The following GABRG3 variants were observed in gnomAD, a reference collection of about 807,000 sequenced individuals.
GABRG3 encodes gamma-aminobutyric acid receptor subunit gamma-3.
Under a neutral mutation model 48.8 loss-of-function variants are expected in GABRG3, and 25 were observed. The observed-to-expected ratio is 0.51, with a 90% CI of 0.37 to 0.72. The LOEUF (loss-of-function observed/expected upper bound fraction) is 0.72. Among genes scored for constraint, GABRG3 ranks in the 30% least tolerant of loss-of-function variants. The pLI is 0.00. For synonymous variants in GABRG3, 227 were observed against 217.6 expected (o/e 1.04, Z -0.38); for missense variants, 394 against 577.9 (o/e 0.68, Z 3.26).
At chr15:27,282,822 T>A (rs535402270) in intron 3 of GABRG3, among the ~76,000 whole-genome samples, 1 of 152,240 alleles carries the variant, frequency 6.6e-6, no homozygotes, top group Admixed American at 6.5e-5. Context: ...TCCTGAGTAT[T>A]ATGCGATGAA....
intron 3 of GABRG3, among the ~76,000 whole-genome samples, chr15:27,212,739 CT>C (rs1409368720): frequency 6.6e-6 from 1 of 152,216 alleles, no homozygotes; most frequent in Non-Finnish European, 1.5e-5. Flanking sequence ...TTCCCTCCCC[CT>C]GACCTTGGCA....
intron 3 of GABRG3, among the ~76,000 whole-genome samples, chr15:27,068,885 C>T (rs66482107): frequency 0.21 from 31,831 of 152,166 alleles, 3,480 homozygotes; most frequent in Middle Eastern, 0.27. Flanking sequence ...CTCCCAGTCT[C>T]CCTGAACCTT....
At chr15:27,064,639 A>G (rs1219956866) in intron 3 of GABRG3, among the ~76,000 whole-genome samples, 1 of 152,118 alleles carries the variant, frequency 6.6e-6, no homozygotes, top group African/African-American at 2.4e-5. Flanking sequence ...ATCATCCTCC[A>G]GCCACTCTTC....
rs188792632 is a variant in GABRG3 at position 27,360,808 on chromosome 15, G to A, written c.574+31920G>A. 2.7e-3 allele frequency among the ~76,000 whole-genome samples: 409 copies of A among 152,324 alleles called. 1 individual carries two copies. The highest frequency in any genetic ancestry group is 9.3e-3 in the African/African-American group (388 of 41,576). On this transcript the variant is annotated intron_variant, in intron 5 of 9. Transcript: ENST00000615808. ...AGTGTTAACCTGTCTGCCTCAGGCA[G>A]GTTCCCAGCCCAAGAACTTTTGGCT...
intron 3 of GABRG3, among the ~76,000 whole-genome samples, chr15:27,170,115 G>T (rs962180372): frequency 6.6e-6 from 1 of 152,164 alleles, no homozygotes; most frequent in Non-Finnish European, 1.5e-5. Context: ...GGATGGAAAC[G>T]GGAGCCTACT....
At chr15:27,458,545 G>C (rs927362571) in intron 5 of GABRG3, among the ~76,000 whole-genome samples, 3 of 152,208 alleles carry the variant, frequency 2.0e-5, no homozygotes, top group Admixed American at 6.5e-5. Flanking sequence ...AATTTGAGGA[G>C]ATGCAAGCTC....
chr15:27,263,803 G>A (rs1890833919), intron 3 of GABRG3, among the ~76,000 whole-genome samples: 1 of 152,002 alleles, frequency 6.6e-6, no homozygotes. Context: ...TAAAACGCCT[G>A]TAGTCCCCGC....
At chr15:27,251,095 T>C in intron 3 of GABRG3, among the ~76,000 whole-genome samples, 1 of 152,194 alleles carries the variant, frequency 6.6e-6, no homozygotes, top group East Asian at 1.9e-4. Context: ...TGGCTCATTC[T>C]ATTATCCGTG....
chr15:27,107,112 C>CA (rs1897463258), intron 3 of GABRG3, among the ~76,000 whole-genome samples: 1 of 152,044 alleles, frequency 6.6e-6, no homozygotes, highest in Admixed American at 6.6e-5. Flanking sequence ...GAAAAGCTTT[C>CA]AATCTCTTAC....
intron 7 of GABRG3, among the ~76,000 whole-genome samples, chr15:27,521,762 A>C (rs990645985): frequency 6.6e-5 from 10 of 152,052 alleles, no homozygotes; most frequent in African/African-American, 2.4e-4. Context: ...GATGGCAGAA[A>C]TAAAAGTTTA....
intron 5 of GABRG3, among the ~76,000 whole-genome samples, chr15:27,359,624 T>C (rs1894956253): frequency 6.6e-6 from 1 of 152,172 alleles, no homozygotes; most frequent in Non-Finnish European, 1.5e-5. Flanking sequence ...AACATAAAAT[T>C]AAATAAAAAG....
chr15:27,306,311 T>G lies in GABRG3; in HGVS notation c.271-20498T>G, dbSNP rs192565407. ...TGTCTATATATAAACATATATATAA[T>G]ATAAACATGTCTATATATAAACATA... On this transcript the variant is annotated intron_variant, in intron 3 of 9. Coordinates refer to ENST00000615808, the MANE Select transcript of GABRG3 (RefSeq NM_033223.5). Among the ~76,000 whole-genome samples, 1,253 of 134,878 alleles carry G rather than the reference T, an allele frequency of 9.3e-3. 14 individuals are homozygous for G. The highest frequency in any genetic ancestry group is 0.014 in the Non-Finnish European group (947 of 65,526). The allele number at this position is 134,878 out of a possible 152,430, so 88.5% of individuals were successfully genotyped here.
At position 27,338,591 on chromosome 15, in the gene GABRG3, C is replaced by T. The variant is rs78697175; in HGVS notation, c.574+9703C>T. Among the ~76,000 whole-genome samples, 178 of 152,232 alleles carry T rather than the reference C, an allele frequency of 1.2e-3. No homozygotes were observed. The East Asian group carries it at 0.028, about 24-fold the overall frequency. ...ACTTGGGGAAAGATTCTCCATGCAT[C>T]GCAGGAGGACCATGCTCCTAGTTAG... On this transcript the variant is annotated intron_variant, in intron 5 of 9. Transcript: ENST00000615808.
intron 5 of GABRG3, among the ~76,000 whole-genome samples, chr15:27,387,930 G>A (rs374821249): frequency 9.5e-5 from 6 of 63,492 alleles, no homozygotes; most frequent in Non-Finnish European, 2.2e-4. Context: ...GAGGGAGGGA[G>A]GGAGGGAAGG....
intron 5 of GABRG3, among the ~76,000 whole-genome samples, chr15:27,336,197 A>C (rs1372467835): frequency 2.1e-5 from 3 of 143,990 alleles, no homozygotes; most frequent in African/African-American, 8.6e-5. Context: ...ATGAAAAGAA[A>C]GAAAGAAAGA....
At chr15:27,259,361 G>C (rs1890708108) in intron 3 of GABRG3, among the ~76,000 whole-genome samples, 1 of 152,104 alleles carries the variant, frequency 6.6e-6, no homozygotes, top group Non-Finnish European at 1.5e-5. Flanking sequence ...GTGCCATTGG[G>C]CTCCGTCCTT....
chr15:27,258,922 C>A (rs1890696645), intron 3 of GABRG3, among the ~76,000 whole-genome samples: 1 of 152,150 alleles, frequency 6.6e-6, no homozygotes, highest in African/African-American at 2.4e-5. Context: ...GCCTTCCCAG[C>A]CTCTAATACT....
chr15:27,280,959 T>G (rs1467577340), intron 3 of GABRG3, among the ~76,000 whole-genome samples: 1 of 152,188 alleles, frequency 6.6e-6, no homozygotes, highest in Non-Finnish European at 1.5e-5. Context: ...TGTCTATTTC[T>G]CTTTTCAGTT....
chr15:27,359,801 CA>C (rs1251226852), intron 5 of GABRG3, among the ~76,000 whole-genome samples: 1 of 152,236 alleles, frequency 6.6e-6, no homozygotes, highest in Non-Finnish European at 1.5e-5. Context: ...AGATTCAAAG[CA>C]GAAGCTTACA....
Sources: allele counts gnomAD v4.1 joint callset (sites outside exome capture counted in the v4.1 genomes callset), GRCh38; gene constraint gnomAD v4.1.1; transcripts MANE v1.5; gene names NCBI Gene and HGNC (gene_info 2026-07-23, HGNC 2026-07-21).